The following LRRC4C variants were observed in gnomAD, a reference collection of about 807,000 sequenced individuals.
LRRC4C encodes leucine-rich repeat-containing protein 4C.
LRRC4C carries 5 observed loss-of-function variants against 33.6 expected under a neutral mutation model. The ratio of observed to expected loss-of-function variants is 0.15; its 90% CI spans 0.08 to 0.31. The LOEUF is 0.31. LRRC4C is among the 10% of genes least tolerant of loss of function. LRRC4C has a pLI of 1.00. For synonymous variants in LRRC4C, 329 were observed against 302.0 expected, an observed-to-expected ratio of 1.09 and a Z score of -0.93; for missense variants, 560 against 796.7, an observed-to-expected ratio of 0.70 and a Z score of 3.58.
intron 1 of LRRC4C, among the ~76,000 whole-genome samples, chr11:41,037,416 T>C (rs1288319707): frequency 6.6e-6 from 1 of 152,124 alleles, no homozygotes; most frequent in African/African-American, 2.4e-5. Flanking sequence ...CATGGCTCAC[T>C]GTAGCCTCAA....
At chr11:40,392,021 T>C (rs562444214) in intron 3 of LRRC4C, among the ~76,000 whole-genome samples, 203 of 152,288 alleles carry the variant, frequency 1.3e-3, no homozygotes, top group Non-Finnish European at 2.3e-3. Flanking sequence ...AAATGCATAT[T>C]GCTAAGTAGA....
intron 1 of LRRC4C, among the ~76,000 whole-genome samples, chr11:41,336,255 A>T (rs1309048750): frequency 6.6e-6 from 1 of 152,044 alleles, no homozygotes; most frequent in East Asian, 1.9e-4. Context: ...TTTTTTTAAA[A>T]AAAAAAGTAA....
At chr11:40,801,973 C>T (rs1471993103) in intron 2 of LRRC4C, among the ~76,000 whole-genome samples, 3 of 152,160 alleles carry the variant, frequency 2.0e-5, no homozygotes, top group Admixed American at 2.0e-4. Flanking sequence ...ACATCATTTA[C>T]TGCAGGGAGG....
At chr11:41,074,059 TA>T in intron 1 of LRRC4C, among the ~76,000 whole-genome samples, 1 of 152,344 alleles carries the variant, frequency 6.6e-6, no homozygotes, top group Admixed American at 6.5e-5. Flanking sequence ...AATTAATGTT[TA>T]AAATATTACT....
intron 1 of LRRC4C, among the ~76,000 whole-genome samples, chr11:41,186,988 C>A (rs1355041260): frequency 6.6e-6 from 1 of 152,108 alleles, no homozygotes; most frequent in Non-Finnish European, 1.5e-5. Context: ...ATTATATACA[C>A]CTGGACCCAA....
intron 3 of LRRC4C, among the ~76,000 whole-genome samples, chr11:40,586,862 G>T (rs1958778005): frequency 6.6e-6 from 1 of 152,180 alleles, no homozygotes; most frequent in African/African-American, 2.4e-5. Context: ...GTACCATGCT[G>T]TTTTGGTTAC....
chr11:41,258,299 G>A (rs1207701795), intron 1 of LRRC4C, among the ~76,000 whole-genome samples: 1 of 151,910 alleles, frequency 6.6e-6, no homozygotes, highest in African/African-American at 2.4e-5. Context: ...AGGAAGGCTT[G>A]ATATATCTTC....
intron 5 of LRRC4C, among the ~76,000 whole-genome samples, chr11:40,218,591 T>C (rs1275178629): frequency 1.5e-5 from 1 of 66,050 alleles, no homozygotes; most frequent in African/African-American, 6.4e-5. Flanking sequence ...TGTATGTATG[T>C]ATGTATGTAT....
intron 1 of LRRC4C, among the ~76,000 whole-genome samples, chr11:41,117,530 G>C (rs922246059): frequency 6.6e-5 from 10 of 152,112 alleles, no homozygotes; most frequent in African/African-American, 1.9e-4. Flanking sequence ...ATGTGGAAAA[G>C]AGCATTGTTT....
At chr11:41,402,064 GA>G (rs1954046160) in intron 1 of LRRC4C, among the ~76,000 whole-genome samples, 1 of 151,942 alleles carries the variant, frequency 6.6e-6, no homozygotes, top group Non-Finnish European at 1.5e-5. Context: ...CCTTTGTCCT[GA>G]AAAGTCTAGT....
chr11:41,149,239 C>T (rs1943872129), intron 1 of LRRC4C, among the ~76,000 whole-genome samples: 1 of 152,150 alleles, frequency 6.6e-6, no homozygotes, highest in Admixed American at 6.5e-5. Flanking sequence ...GGTGCGGTGG[C>T]TCACGCCTGT....
chr11:41,102,803 T>A (rs767577049), intron 1 of LRRC4C, among the ~76,000 whole-genome samples: 7 of 152,056 alleles, frequency 4.6e-5, no homozygotes, highest in Non-Finnish European at 7.4e-5. Flanking sequence ...ATAATAGTTC[T>A]GCCACATAAG....
chr11:40,178,867 C>T (rs1253000467), intron 5 of LRRC4C, among the ~76,000 whole-genome samples: 1 of 152,206 alleles, frequency 6.6e-6, no homozygotes, highest in Non-Finnish European at 1.5e-5. Context: ...CCTTTCCCTT[C>T]CTCTGTCTCT....
At chr11:40,999,464 T>C (rs1179231385) in intron 1 of LRRC4C, among the ~76,000 whole-genome samples, 3 of 152,198 alleles carry the variant, frequency 2.0e-5, no homozygotes, top group Non-Finnish European at 4.4e-5. Context: ...TATTTGTTTT[T>C]GTCTTAGCTC....
At chr11:41,340,622 G>A (rs754922159) in intron 1 of LRRC4C, among the ~76,000 whole-genome samples, 4 of 152,128 alleles carry the variant, frequency 2.6e-5, no homozygotes, top group African/African-American at 9.7e-5. Flanking sequence ...GAAACTCAGA[G>A]ACCTAGGATC....
At chr11:41,065,285 G>A (rs1938144931) in intron 1 of LRRC4C, among the ~76,000 whole-genome samples, 1 of 152,130 alleles carries the variant, frequency 6.6e-6, no homozygotes, top group South Asian at 2.1e-4. Context: ...AAACTGGGAG[G>A]TTTGGACTGG....
chr11:41,110,832 C>CA, intron 1 of LRRC4C, among the ~76,000 whole-genome samples: 1 of 152,078 alleles, frequency 6.6e-6, no homozygotes, highest in Non-Finnish European at 1.5e-5. Flanking sequence ...TCAAATTCAG[C>CA]ATTTTTAAAG....
In LRRC4C at chr11:40,353,700, C is replaced by T. The variant is rs977765850; in HGVS notation, c.-269-33979G>A. Reference sequence around the variant, plus strand: ...ATGCACACCAGCCTGGGCGATACAGCGAGACTCTGTCTCAAGAAAATTATT... The same window carrying T: ...ATGCACACCAGCCTGGGCGATACAGTGAGACTCTGTCTCAAGAAAATTATT... On this transcript the variant is annotated intron_variant, in intron 3 of 6. Coordinates refer to ENST00000528697, the MANE Select transcript of LRRC4C (RefSeq NM_001258419.2). 5.9e-5 allele frequency among the ~76,000 whole-genome samples: 9 copies of T among 152,102 alleles called. No individual in the cohort carries two copies. The South Asian group carries it at 6.2e-4, about 11-fold the overall frequency.
At chr11:40,440,841 G>GCC (rs1487526395) in intron 3 of LRRC4C, among the ~76,000 whole-genome samples, 1 of 148,240 alleles carries the variant, frequency 6.7e-6, no homozygotes, top group African/African-American at 2.5e-5. Flanking sequence ...TTTGTGCACA[G>GCC]CTGCAATCTC....
Sources: allele counts gnomAD v4.1 joint callset (sites outside exome capture counted in the v4.1 genomes callset), GRCh38; gene constraint gnomAD v4.1.1; transcripts MANE v1.5; gene names NCBI Gene and HGNC (gene_info 2026-07-23, HGNC 2026-07-21).